The following MTREX variants were observed in gnomAD, a reference collection of about 807,000 sequenced individuals.
MTREX encodes the protein Mtr4 exosome RNA helicase.
Under a neutral mutation model 135.4 loss-of-function variants are expected in MTREX, and 76 were observed. That is an observed-to-expected ratio of 0.56 (90% CI 0.47 to 0.68). The LOEUF is 0.68. Ranked by LOEUF, MTREX falls within the 30% of genes least tolerant of loss-of-function variation. The pLI is 0.00. For synonymous variants in MTREX, 404 were observed against 401.6 expected, an observed-to-expected ratio of 1.01 and a Z score of -0.07; for missense variants, 920 against 1,262.1, an observed-to-expected ratio of 0.73 and a Z score of 4.11.
Position 55,400,141 on chromosome 5 carries a change from C to CA in MTREX, c.2293-91dup. Reference sequence around the variant, plus strand: ...ATATATGTAGTATACTTTTTATGTCCATGTGCATAGAAAAAAAGGGAAACA... The same window carrying CA: ...ATATATGTAGTATACTTTTTATGTCCAATGTGCATAGAAAAAAAGGGAAACA... On this transcript the variant is annotated intron_variant, in intron 20 of 26. Transcript: ENST00000230640. 4.5e-6 allele frequency: 4 copies of CA among 882,512 alleles called. No individual in the cohort carries two copies. In the South Asian group the frequency reaches 9.3e-5, roughly 21 times the overall value. 54.7% of individuals were successfully genotyped at this position (882,512 alleles called of 1,614,324 possible).
chr5:55,335,556 C>G lies in MTREX; in HGVS notation c.516-4454C>G, dbSNP rs184651457. On this transcript the variant is annotated intron_variant, in intron 5 of 26. Coordinates refer to ENST00000230640, the MANE Select transcript of MTREX (RefSeq NM_015360.5). ...TATCCAGTTGTTCCAATTCAAAGTA[C>G]TATCTTTTCCCATTGAATTGAATTC... Among the ~76,000 whole-genome samples the G allele has an allele frequency of 5.9e-5, 9 of 152,154 alleles. No homozygotes were observed. In the East Asian group the frequency reaches 1.7e-3, roughly 29 times the overall value.
At chr5:55,392,389 C>T (rs1346074972) in intron 19 of MTREX, among the ~76,000 whole-genome samples, 1 of 151,940 alleles carries the variant, frequency 6.6e-6, no homozygotes, top group Non-Finnish European at 1.5e-5. Context: ...ACTAAAAATA[C>T]AAAAATTAGC....
At chr5:55,346,756 T>A (rs1749746739) in intron 10 of MTREX, among the ~76,000 whole-genome samples, 1 of 152,218 alleles carries the variant, frequency 6.6e-6, no homozygotes, top group Non-Finnish European at 1.5e-5. Flanking sequence ...CCATTCTGTT[T>A]GAGGTTGTCT....
At chr5:55,320,836 C>G (rs929448068) in intron 1 of MTREX, among the ~76,000 whole-genome samples, 1 of 152,258 alleles carries the variant, frequency 6.6e-6, no homozygotes, top group Admixed American at 6.5e-5. Flanking sequence ...GGGGCAAAGT[C>G]ACAATTTTCC....
chr5:55,332,846 T>A (rs1055185516), intron 5 of MTREX, among the ~76,000 whole-genome samples: 1 of 152,216 alleles, frequency 6.6e-6, no homozygotes, highest in Non-Finnish European at 1.5e-5. Flanking sequence ...AAATAATTCA[T>A]GAATCCTGGA....
At chr5:55,401,525 A>G (rs1241162246) in intron 21 of MTREX, among the ~76,000 whole-genome samples, 1 of 152,240 alleles carries the variant, frequency 6.6e-6, no homozygotes, top group Non-Finnish European at 1.5e-5. Context: ...TTGATGGATC[A>G]TATGGTAACT....
intron 12 of MTREX, among the ~76,000 whole-genome samples, chr5:55,350,546 ATG>A (rs1749809248): frequency 6.6e-6 from 1 of 152,180 alleles, no homozygotes; most frequent in Admixed American, 6.5e-5. Flanking sequence ...CATGTTAAAT[ATG>A]TGTTACAGTG....
intron 5 of MTREX, among the ~76,000 whole-genome samples, chr5:55,337,298 T>G (rs1749569527): frequency 6.6e-6 from 1 of 151,800 alleles, no homozygotes; most frequent in Non-Finnish European, 1.5e-5. Context: ...TTTTTATATT[T>G]TATTTATTTA....
At chr5:55,405,672 T>G in intron 22 of MTREX, 84 bp downstream of exon 22, 79 of 1,151,882 alleles carry the variant, frequency 6.9e-5, no homozygotes, top group Non-Finnish European at 9.1e-5. Context: ...TGAGATGGAG[T>G]CTCACTGTTG....
intron 10 of MTREX, among the ~76,000 whole-genome samples, chr5:55,346,140 T>C (rs961340578): frequency 2.0e-5 from 3 of 152,238 alleles, no homozygotes; most frequent in African/African-American, 7.2e-5. Flanking sequence ...TACTATTTAA[T>C]ACAAGTTTTT....
chr5:55,317,917 A>T (rs1175464217), intron 1 of MTREX, among the ~76,000 whole-genome samples: 1 of 152,214 alleles, frequency 6.6e-6, no homozygotes, highest in African/African-American at 2.4e-5. Context: ...TAAGGAACTT[A>T]AATTTACAGG....
chr5:55,420,127 C>T (rs1380626749), intron 25 of MTREX, among the ~76,000 whole-genome samples: 5 of 147,704 alleles, frequency 3.4e-5, no homozygotes, highest in South Asian at 2.1e-4. Flanking sequence ...GCAATAGTCT[C>T]TGCTCTCAAG....
chr5:55,350,169 C>A (rs1023799742), intron 12 of MTREX, among the ~76,000 whole-genome samples: 1 of 145,864 alleles, frequency 6.9e-6, no homozygotes, highest in Admixed American at 6.9e-5. Context: ...TTTTAAAGGC[C>A]CCCCAGGTGA....
At chr5:55,341,875 A>G (rs2059279222) in intron 7 of MTREX, 104 bp downstream of exon 7, 1 of 583,674 alleles carries the variant, frequency 1.7e-6, no homozygotes, top group East Asian at 3.0e-5. Context: ...TTGTGTGGCT[A>G]GGGTTCTAAT....
At chr5:55,421,185 TGACTTATAAAGGTGGGTGTAA>T (rs1399037889) in intron 25 of MTREX, among the ~76,000 whole-genome samples, 9 of 152,340 alleles carry the variant, frequency 5.9e-5, no homozygotes, top group African/African-American at 2.2e-4. Context: ...TGAGGCAGGA[TGACTTATAAAGGTGGGTGTAA>T]GAAGAGCCCT....
intron 14 of MTREX, among the ~76,000 whole-genome samples, chr5:55,358,342 T>A (rs923753461): frequency 1.3e-5 from 2 of 152,196 alleles, no homozygotes; most frequent in African/African-American, 4.8e-5. Context: ...ATAATAAGTC[T>A]AAAATTTAGT....
intron 8 of MTREX, 57 bp from the exon 9 acceptor site, chr5:55,344,465 A>G: frequency 8.9e-7 from 1 of 1,125,110 alleles, no homozygotes; most frequent in Non-Finnish European, 1.3e-6. Flanking sequence ...TTGGACTAAG[A>G]TACAGTTTTA....
At chr5:55,349,165 A>G (rs1579862651) in intron 11 of MTREX, among the ~76,000 whole-genome samples, 1 of 144,594 alleles carries the variant, frequency 6.9e-6, no homozygotes, top group African/African-American at 2.6e-5. Flanking sequence ...CCACCTCTTT[A>G]CTTTTGCTCT....
At chr5:55,382,444 C>T (rs1382252536) in intron 18 of MTREX, among the ~76,000 whole-genome samples, 4 of 151,964 alleles carry the variant, frequency 2.6e-5, no homozygotes, top group Non-Finnish European at 5.9e-5. Flanking sequence ...GACTGAATTC[C>T]AGTGTGATAT....
Sources: gnomAD v4.1 joint callset for allele counts (sites outside exome capture counted in the v4.1 genomes callset) on GRCh38, gnomAD v4.1.1 for gene constraint, MANE v1.5 for transcripts, NCBI Gene and HGNC (gene_info 2026-07-23, HGNC 2026-07-21) for gene names.